EGFR: variants seen among roughly 807,000 people sequenced by gnomAD.
EGFR encodes avian erythroblastic leukemia viral (v-erb-b) oncogene homolog.
In EGFR, 58 loss-of-function variants were observed where a neutral mutation model predicts 143.0. The observed-to-expected ratio is 0.41, with a 90% CI of 0.33 to 0.50. The LOEUF (loss-of-function observed/expected upper bound fraction) is 0.50. EGFR is among the 20% of genes least tolerant of loss of function. The probability of loss-of-function intolerance (pLI) is 0.39; values close to 1 mark genes in which losing one functional copy is unlikely to be tolerated. For synonymous variants in EGFR, 613 were observed against 594.4 expected (o/e 1.03, Z -0.45); for missense variants, 1,307 against 1,579.0 (o/e 0.83, Z 2.92).
At chr7:55,158,727 T>G (rs989018015) in intron 11 of EGFR, among the ~76,000 whole-genome samples, 1 of 152,112 alleles carries the variant, frequency 6.6e-6, no homozygotes, top group Admixed American at 6.5e-5. Flanking sequence ...TGAGACAGGG[T>G]GGCCACACGT....
At chr7:55,066,809 C>A (rs1362955087) in intron 1 of EGFR, among the ~76,000 whole-genome samples, 1 of 152,154 alleles carries the variant, frequency 6.6e-6, no homozygotes, top group Non-Finnish European at 1.5e-5. Context: ...CTGAGATAGA[C>A]GGGAACAAAG....
At chr7:55,103,950 C>T (rs1328235428) in intron 1 of EGFR, among the ~76,000 whole-genome samples, 2 of 152,160 alleles carry the variant, frequency 1.3e-5, no homozygotes, top group Non-Finnish European at 2.9e-5. Flanking sequence ...TCATTACTTG[C>T]ATTATATTCA....
intron 6 of EGFR, among the ~76,000 whole-genome samples, 179 bp downstream of exon 6, chr7:55,152,843 A>C (rs1320816860): frequency 6.6e-6 from 1 of 152,200 alleles, no homozygotes; most frequent in African/African-American, 2.4e-5. Context: ...CCACTCACTG[A>C]GACCTTGGGA....
intron 16 of EGFR, 166 bp from the exon 17 acceptor site, chr7:55,172,817 C>G (rs756867813): frequency 2.6e-6 from 4 of 1,545,198 alleles, no homozygotes; most frequent in Admixed American, 1.9e-5. Context: ...GGAAACGTTG[C>G]CTTAGAAGCC....
intron 15 of EGFR, among the ~76,000 whole-genome samples, chr7:55,169,373 C>T (rs1013614759): frequency 6.6e-6 from 1 of 152,192 alleles, no homozygotes; most frequent in Admixed American, 6.5e-5. Flanking sequence ...GCTGAGATTA[C>T]AGGCGTGAGC....
chr7:55,138,079 C>T lies in EGFR; in HGVS notation c.89-4207C>T, dbSNP rs573814061. Among the ~76,000 whole-genome samples, 3 of 152,250 alleles carry T rather than the reference C, an allele frequency of 2.0e-5. No individual in the cohort carries two copies. In the South Asian group the frequency reaches 6.2e-4, roughly 32 times the overall value. ...CTTTACTTTAAAATGCATCCAAAGG[C>T]AGACTAGAGGACCATATCTGACAGA... is the stretch of plus-strand genomic sequence containing the variant. On this transcript the variant is annotated intron_variant, in intron 1 of 27. Coordinates refer to ENST00000275493, the MANE Select transcript of EGFR (RefSeq NM_005228.5).
chr7:55,096,108 GTTTTTCTCCAC>G (rs1791455312), intron 1 of EGFR, among the ~76,000 whole-genome samples: 1 of 152,164 alleles, frequency 6.6e-6, no homozygotes, highest in African/African-American at 2.4e-5. Flanking sequence ...AAGAAGCCTT[GTTTTTCTCCAC>G]TTTTTATAGA....
rs1333871168 is a variant in EGFR at position 55,036,260 on chromosome 7, T to TTGTG, written c.88+16904_88+16907dup. Among the ~76,000 whole-genome samples the TTGTG allele has an allele frequency of 4.5e-3, 228 of 50,242 alleles. 8 individuals are homozygous for TTGTG. Among genetic ancestry groups the TTGTG allele is most frequent in the South Asian group, 0.023 (20 of 876 alleles). The allele number at this position is 50,242 out of a possible 152,430, so 33.0% of individuals were successfully genotyped here. Reference sequence around the variant, plus strand: ...CTGTTCAGATCACAAGTGGTCAAGTTTGTGTGTGTGTGGGGGGGGGGGGGT... The same window carrying TTGTG: ...CTGTTCAGATCACAAGTGGTCAAGTTTGTGTGTGTGTGTGTGGGGGGGGGGGGGT... On this transcript the variant is annotated intron_variant, in intron 1 of 27. Transcript: ENST00000275493.
At chr7:55,048,640 A>C (rs1329756429) in intron 1 of EGFR, among the ~76,000 whole-genome samples, 1 of 152,196 alleles carries the variant, frequency 6.6e-6, no homozygotes, top group Non-Finnish European at 1.5e-5. Flanking sequence ...GGTATGATCC[A>C]AGTGTCAGAT....
chr7:55,159,384 C>CA (rs912297338), intron 11 of EGFR, among the ~76,000 whole-genome samples: 2 of 152,136 alleles, frequency 1.3e-5, no homozygotes, highest in South Asian at 2.1e-4. Flanking sequence ...GGACATCCCC[C>CA]CTTCGGTCTG....
intron 1 of EGFR, among the ~76,000 whole-genome samples, chr7:55,062,707 T>C (rs1018335029): frequency 3.9e-5 from 6 of 152,172 alleles, no homozygotes; most frequent in Non-Finnish European, 7.3e-5. Context: ...TGTTCTGAAT[T>C]CTCAGTTTCC....
Position 55,205,920 on chromosome 7 carries a change from G to A in EGFR, c.*303G>A, listed in dbSNP as rs1256026123. On this transcript the variant is annotated 3_prime_UTR_variant, in exon 28 of 28. Coordinates refer to ENST00000275493, the MANE Select transcript of EGFR (RefSeq NM_005228.5). ...TTTGAAAAAAAAAAAAAGTATATGT[G>A]AGGATTTTTATTGATTGGGGATCTT... 5 of 457,888 alleles carry A rather than the reference G, an allele frequency of 1.1e-5. No homozygotes were observed. The highest frequency in any genetic ancestry group is 7.6e-5 in the Admixed American group (2 of 26,332). The allele number at this position is 457,888 out of a possible 1,614,324, so 28.4% of individuals were successfully genotyped here. A position where few individuals can be genotyped will look rare whatever the true frequency, so the allele number is the denominator to read the frequency against.
intron 1 of EGFR, among the ~76,000 whole-genome samples, chr7:55,075,031 T>C (rs1790056095): frequency 6.6e-6 from 1 of 152,158 alleles, no homozygotes; most frequent in South Asian, 2.1e-4. Flanking sequence ...TTTGTCATCT[T>C]CTTAAGACTT....
intron 4 of EGFR, 104 bp downstream of exon 4, chr7:55,146,844 C>G (rs1177432007): frequency 3.3e-6 from 5 of 1,507,838 alleles, no homozygotes; most frequent in Non-Finnish European, 3.6e-6. Context: ...TCACATTAAT[C>G]AGAAACAAAA....
intron 1 of EGFR, among the ~76,000 whole-genome samples, chr7:55,031,402 C>A (rs993010959): frequency 8.5e-5 from 13 of 152,304 alleles, no homozygotes; most frequent in Non-Finnish European, 1.5e-4. Context: ...GAAAGTTCAG[C>A]AATTTGATGA....
intron 3 of EGFR, among the ~76,000 whole-genome samples, chr7:55,144,680 G>A (rs17289617): frequency 2.0e-5 from 3 of 152,124 alleles, no homozygotes; most frequent in African/African-American, 4.8e-5. Context: ...TGTGCTGTGC[G>A]TGCCTCCTGT....
At chr7:55,128,745 A>G (rs899928100) in intron 1 of EGFR, among the ~76,000 whole-genome samples, 3 of 152,228 alleles carry the variant, frequency 2.0e-5, no homozygotes, top group African/African-American at 7.2e-5. Context: ...TCTGTAGTCA[A>G]TAGCAAATAT....
At chr7:55,146,811 G>A (rs1794790565) in intron 4 of EGFR, 71 bp downstream of exon 4, 1 of 1,601,004 alleles carries the variant, frequency 6.2e-7, no homozygotes, top group African/African-American at 1.3e-5. Flanking sequence ...CTGGGGCAGG[G>A]GAGAGAAGCC....
chr7:55,171,212 G>T lies in EGFR; in HGVS notation c.1918G>T (p.Gly640Trp), dbSNP rs200989322. ...AGGTCTTGAAGGCTGTCCAACGAAT[G>T]GGTAAGTGTTCACAGCTCTGTGTCA... ...GPGLEGCPTN[G>W]PKIPSIATGM... is the part of the protein sequence containing the mutation. Residue 640 changes from glycine to tryptophan, a missense_variant and splice_region_variant, in exon 16 of 28, where the codon GGG becomes TGG. By Grantham distance (184) the Gly-to-Trp change is radical. This residue lies in a region of EGFR where 348 missense variants were observed against 451.5 expected (regional missense o/e 0.77). Transcript: ENST00000275493. 6.2e-7 allele frequency: 1 copy of T among 1,614,206 alleles called. No homozygotes were observed.
Sources: allele counts gnomAD v4.1 joint callset (sites outside exome capture counted in the v4.1 genomes callset), GRCh38; gene constraint gnomAD v4.1.1; regional missense constraint gnomAD v4.1.1; transcripts MANE v1.5; gene names NCBI Gene and HGNC (gene_info 2026-07-23, HGNC 2026-07-21).